Variants in XRRA1 observed in about 807,000 individuals in gnomAD.
The protein encoded by XRRA1 is X-ray radiation resistance associated 1.
In XRRA1, 69 loss-of-function variants were observed where a neutral mutation model predicts 80.2. The ratio of observed to expected loss-of-function variants is 0.86; its 90% confidence interval spans 0.71 to 1.05. The LOEUF (loss-of-function observed/expected upper bound fraction) is 1.05. Ranked by LOEUF, XRRA1 falls within the 50% of genes least tolerant of loss-of-function variation. The pLI, the probability that XRRA1 is intolerant of heterozygous loss-of-function variation, is 0.00. For synonymous variants in XRRA1, 348 were observed against 389.9 expected (o/e 0.89, Z 1.27); for missense variants, 967 against 976.4 (o/e 0.99, Z 0.13).
chr11:74,918,439 G>C (rs1041621069), intron 8 of XRRA1, among the ~76,000 whole-genome samples: 1 of 152,070 alleles, frequency 6.6e-6, no homozygotes, highest in Non-Finnish European at 1.5e-5. Flanking sequence ...TCCAGCAATG[G>C]CTACAGTAAC....
At chr11:74,860,484 G>T (rs1435665750) in intron 11 of XRRA1, among the ~76,000 whole-genome samples, 1 of 152,246 alleles carries the variant, frequency 6.6e-6, no homozygotes, top group African/African-American at 2.4e-5. Flanking sequence ...TGGCCCTGAT[G>T]GGGGCAGAGA....
Position 74,845,201 on chromosome 11 carries a change from G to T in XRRA1, c.1799C>A (p.Pro600Gln). 1 of 1,614,050 alleles carries T rather than the reference G, an allele frequency of 6.2e-7. No homozygotes were observed. The highest frequency in any genetic ancestry group is 8.5e-7 in the Non-Finnish European group (1 of 1,179,898). The change falls in exon 16 of 19, where the codon CCA becomes CAA. Residue 600 changes from proline to glutamine, a missense_variant. Transcript: ENST00000684022. ...TTTCACCTCTCTGGGTGCCGTTGGT[G>T]GTTTCTTTTGGTCTTTCTCCTTTAA... ...LELKEKDQKK[P>Q]PTAPREVKGT...
chr11:74,868,590 C>T lies in XRRA1; in HGVS notation c.1004-5569G>A, dbSNP rs1207296612. On this transcript the variant is annotated intron_variant, in intron 10 of 18. Transcript: ENST00000684022. ...GCAAGACCTGATGGTATGCTGTCTT[C>T]AAGAGACCCATCTCACATGTGATGA... Among the ~76,000 whole-genome samples the T allele has an allele frequency of 2.0e-5, 3 of 152,202 alleles. No individual in the cohort carries two copies. The East Asian group carries it at 5.8e-4, about 29-fold the overall frequency.
intron 8 of XRRA1, among the ~76,000 whole-genome samples, chr11:74,912,907 TG>T (rs1245633893): frequency 6.6e-6 from 1 of 152,198 alleles, no homozygotes; most frequent in African/African-American, 2.4e-5. Flanking sequence ...TAAGTTCTAC[TG>T]AACAGTGCTA....
intron 7 of XRRA1, among the ~76,000 whole-genome samples, chr11:74,923,014 T>C (rs1941289323): frequency 6.6e-6 from 1 of 152,214 alleles, no homozygotes; most frequent in African/African-American, 2.4e-5. Flanking sequence ...ATGTTCATTA[T>C]GTAGCAATGC....
chr11:74,909,665 A>G (rs1345970034), intron 8 of XRRA1, among the ~76,000 whole-genome samples: 1 of 152,202 alleles, frequency 6.6e-6, no homozygotes, highest in Admixed American at 6.5e-5. Flanking sequence ...TTTCCCACCG[A>G]GCCCCTCCTG....
chr11:74,908,348 C>T (rs2055092545), intron 8 of XRRA1, among the ~76,000 whole-genome samples: 1 of 152,162 alleles, frequency 6.6e-6, no homozygotes, highest in Non-Finnish European at 1.5e-5. Context: ...CTCCAAATCC[C>T]ATGCCCTTTC....
At chr11:74,871,925 AGCAG>A (rs1052048270) in intron 10 of XRRA1, among the ~76,000 whole-genome samples, 2 of 152,236 alleles carry the variant, frequency 1.3e-5, no homozygotes, top group African/African-American at 4.8e-5. Context: ...GCAGCTGAAA[AGCAG>A]GCAGCTCTGC....
At chr11:74,940,335 G>C (rs886508546) in intron 3 of XRRA1, among the ~76,000 whole-genome samples, 2 of 152,140 alleles carry the variant, frequency 1.3e-5, no homozygotes, top group African/African-American at 4.8e-5. Flanking sequence ...GCTCACGAGA[G>C]GATGGGCCCT....
At chr11:74,883,150 A>G (rs1217545843) in intron 10 of XRRA1, among the ~76,000 whole-genome samples, 1 of 152,126 alleles carries the variant, frequency 6.6e-6, no homozygotes, top group Non-Finnish European at 1.5e-5. Context: ...CTGCTGTGCT[A>G]GCAATCTGTG....
At chr11:74,863,876 G>C (rs914995884) in intron 10 of XRRA1, 1 of 152,170 alleles carries the variant, frequency 6.6e-6, no homozygotes, top group African/African-American at 2.4e-5. Flanking sequence ...CTGGGGGATG[G>C]GCCATGGTTG....
At chr11:74,887,396 G>A (rs1216453402) in intron 10 of XRRA1, among the ~76,000 whole-genome samples, 1 of 152,202 alleles carries the variant, frequency 6.6e-6, no homozygotes, top group Non-Finnish European at 1.5e-5. Flanking sequence ...TTAAAAAGTA[G>A]GCAAACGACA....
rs1404670569 is a variant in XRRA1, at chr11:74,882,443, A to C, written c.1004-19422T>G. Among the ~76,000 whole-genome samples the C allele has an allele frequency of 3.1e-3, 466 of 151,748 alleles. 3 individuals carry two copies. Among genetic ancestry groups the C allele is most frequent in the African/African-American group, 0.01 (424 of 41,318 alleles). ...TTTTTCAAAGTTTTCAACTTCTTTG[A>C]CTTTGGTTTGAATGTCCTCCCGTAG... On this transcript the variant is annotated intron_variant, in intron 10 of 18. Coordinates refer to ENST00000684022, the MANE Select transcript of XRRA1 (RefSeq NM_001378157.1).
At chr11:74,945,617 T>TA (rs35873917) in intron 1 of XRRA1, among the ~76,000 whole-genome samples, 66,972 of 151,592 alleles carry the variant, frequency 0.44, 15,242 homozygotes, top group Middle Eastern at 0.53. Flanking sequence ...ACATAACCCC[T>TA]GGTTACATTA....
Position 74,843,069 on chromosome 11 carries a change from G to A in XRRA1, c.*131C>T, listed in dbSNP as rs996752018. On this transcript the variant is annotated 3_prime_UTR_variant, in exon 19 of 19. Transcript: ENST00000684022. ...ACAAGGGGATGCCACCTTGTGGCCA[G>A]CAAGTGGGGCCCAGCTGAGCTCTGA... 12 of 1,285,790 alleles carry A rather than the reference G, an allele frequency of 9.3e-6. No individual in the cohort carries two copies. The highest frequency in any genetic ancestry group is 7.3e-6 in the Non-Finnish European group (7 of 961,792). The allele number at this position is 1,285,790 out of a possible 1,614,324, so 79.6% of individuals were successfully genotyped here.
At chr11:74,940,965 C>G (rs1227331284) in intron 2 of XRRA1, 83 bp from the exon 3 acceptor site, 28 of 1,010,614 alleles carry the variant, frequency 2.8e-5, no homozygotes, top group Non-Finnish European at 1.6e-5. Context: ...AGCTCATGAG[C>G]CCACCAGGAC....
intron 10 of XRRA1, among the ~76,000 whole-genome samples, chr11:74,891,955 G>C (rs1413640318): frequency 6.6e-6 from 1 of 152,106 alleles, no homozygotes; most frequent in African/African-American, 2.4e-5. Context: ...GGAAGAATCA[G>C]TATTATGAAA....
intron 8 of XRRA1, among the ~76,000 whole-genome samples, chr11:74,920,620 T>C (rs549696907): frequency 5.9e-5 from 9 of 152,212 alleles, no homozygotes; most frequent in Non-Finnish European, 8.8e-5. Flanking sequence ...TGGAGTCTGA[T>C]AGACTTGATT....
chr11:74,843,207 T>C lies in XRRA1; in HGVS notation c.2396A>G (p.Gln799Arg). 2 of 1,556,534 alleles carry C rather than the reference T, an allele frequency of 1.3e-6. No homozygotes were observed. The highest frequency in any genetic ancestry group is 1.7e-6 in the Non-Finnish European group (2 of 1,150,090). ...CAGCCCCCATGCACAGCTCTAGCCT[T>C]GTGAGTCACTGGCTGTGGGCTCCTG... The part of the protein sequence containing the change: ...FCQEPTASDS[Q>R]G The change falls in exon 19 of 19, where the codon CAA (glutamine) becomes CGA (arginine). Residue 799 changes from glutamine to arginine, a missense_variant. Transcript: ENST00000684022.
Sources: gnomAD v4.1 joint callset for allele counts (sites outside exome capture counted in the v4.1 genomes callset) on GRCh38, gnomAD v4.1.1 for gene constraint, MANE v1.5 for transcripts, NCBI Gene and HGNC (gene_info 2026-07-23, HGNC 2026-07-21) for gene names.